Variants in BMPER observed in about 807,000 individuals in gnomAD.
BMPER encodes BMP binding endothelial regulator.
Under a neutral mutation model 87.3 loss-of-function variants are expected in BMPER, and 45 were observed. That is an observed-to-expected ratio of 0.52 (90% CI 0.41 to 0.66). BMPER has a LOEUF of 0.66. BMPER is among the 30% of genes least tolerant of loss of function. The pLI is 0.00. For missense variants in BMPER, 784 were observed against 867.5 expected (o/e 0.90, Z 1.21); for synonymous variants, 326 against 316.2 (o/e 1.03, Z -0.33).
chr7:33,923,758 C>T (rs1168037838), intron 2 of BMPER, among the ~76,000 whole-genome samples: 4 of 152,156 alleles, frequency 2.6e-5, no homozygotes, highest in Non-Finnish European at 4.4e-5. Flanking sequence ...TCACATATGG[C>T]GCTCTCTCAG....
chr7:33,955,957 T>G (rs191027051), intron 3 of BMPER, among the ~76,000 whole-genome samples: 4 of 152,118 alleles, frequency 2.6e-5, no homozygotes, highest in African/African-American at 9.6e-5. Context: ...AACAATGTGA[T>G]GGAAGAAGGC....
chr7:34,035,023 T>C (rs1787626400), intron 6 of BMPER, among the ~76,000 whole-genome samples: 1 of 152,184 alleles, frequency 6.6e-6, no homozygotes, highest in Non-Finnish European at 1.5e-5. Context: ...TGTTTTTCTT[T>C]GATCATATAT....
At chr7:34,007,696 A>G (rs544053293) in intron 6 of BMPER, among the ~76,000 whole-genome samples, 20 of 152,022 alleles carry the variant, frequency 1.3e-4, no homozygotes, top group Non-Finnish European at 2.6e-4. Context: ...TCATAGGTAT[A>G]GGGGTAATTT....
intron 4 of BMPER, among the ~76,000 whole-genome samples, chr7:33,969,731 A>T (rs1226105880): frequency 1.3e-5 from 2 of 152,188 alleles, no homozygotes; most frequent in African/African-American, 2.4e-5. Flanking sequence ...TAAAGTCCCT[A>T]TTTTGACATA....
chr7:34,097,979 G>A (rs958548595), intron 13 of BMPER, among the ~76,000 whole-genome samples: 59 of 152,052 alleles, frequency 3.9e-4, no homozygotes, highest in African/African-American at 1.3e-3. Context: ...GCCTGTAGTA[G>A]TTTAAAGTAT....
chr7:34,115,289 A>G (rs1030190169), intron 13 of BMPER, among the ~76,000 whole-genome samples: 7 of 152,356 alleles, frequency 4.6e-5, no homozygotes, highest in East Asian at 1.9e-4. Flanking sequence ...TCTTGAGACA[A>G]TAATCATGGC....
At chr7:33,916,063 C>A (rs949866724) in intron 2 of BMPER, among the ~76,000 whole-genome samples, 5 of 152,180 alleles carry the variant, frequency 3.3e-5, no homozygotes, top group African/African-American at 9.7e-5. Context: ...GAATGACTGC[C>A]TTTGCCATAC....
At chr7:34,034,030 A>G (rs1470434660) in intron 6 of BMPER, among the ~76,000 whole-genome samples, 1 of 152,144 alleles carries the variant, frequency 6.6e-6, no homozygotes, top group African/African-American at 2.4e-5. Context: ...CTTTGGAGTT[A>G]AGCATGTTGT....
intron 2 of BMPER, among the ~76,000 whole-genome samples, chr7:33,908,023 G>A (rs571793056): frequency 2.0e-5 from 3 of 152,312 alleles, no homozygotes; most frequent in South Asian, 2.1e-4. Context: ...AACGCACTGC[G>A]TTTGCTGACA....
intron 2 of BMPER, among the ~76,000 whole-genome samples, chr7:33,923,911 G>C (rs910938793): frequency 6.6e-6 from 1 of 152,142 alleles, no homozygotes; most frequent in African/African-American, 2.4e-5. Flanking sequence ...TTCATACCCT[G>C]AGCAATTTTA....
At position 34,032,415 on chromosome 7, in the gene BMPER, C is replaced by G. The variant is rs1036588112; in HGVS notation, c.577-13891C>G. Among the ~76,000 whole-genome samples, 5 of 152,028 alleles carry G rather than the reference C, an allele frequency of 3.3e-5. No homozygotes were observed. The East Asian group carries it at 9.7e-4, about 29-fold the overall frequency. On this transcript the variant is annotated intron_variant, in intron 6 of 14. Transcript: ENST00000649409. ...TTTCCTCAAAGTTTTGATTCATCAC[C>G]CATTATCTGGAGTATGGTATAAGTT... is the stretch of plus-strand genomic sequence containing the variant.
At chr7:33,923,866 C>T (rs1340056815) in intron 2 of BMPER, among the ~76,000 whole-genome samples, 3 of 152,084 alleles carry the variant, frequency 2.0e-5, no homozygotes, top group Non-Finnish European at 2.9e-5. Flanking sequence ...ATTGGAGGGT[C>T]CCAGGATTCA....
chr7:34,128,942 ATGATTCTATAATTCTC>A (rs1790475254), intron 13 of BMPER, among the ~76,000 whole-genome samples: 1 of 152,160 alleles, frequency 6.6e-6, no homozygotes. Flanking sequence ...TTAAGACTCT[ATGATTCTATAATTCTC>A]TGACTTTTTG....
At chr7:34,105,251 T>A (rs1008272383) in intron 13 of BMPER, among the ~76,000 whole-genome samples, 1 of 152,244 alleles carries the variant, frequency 6.6e-6, no homozygotes, top group African/African-American at 2.4e-5. Flanking sequence ...AGGGCCATCA[T>A]GTTGCATGAA....
intron 6 of BMPER, among the ~76,000 whole-genome samples, chr7:34,033,430 T>C (rs1359080602): frequency 6.6e-6 from 1 of 152,210 alleles, no homozygotes; most frequent in Non-Finnish European, 1.5e-5. Flanking sequence ...GATGAGGCTC[T>C]TTATAAACAA....
intron 6 of BMPER, among the ~76,000 whole-genome samples, chr7:34,044,726 T>A (rs2127957028): frequency 6.6e-6 from 1 of 152,272 alleles, no homozygotes; most frequent in Non-Finnish European, 1.5e-5. Context: ...CTTTTTCTGG[T>A]ATTTTCGCAT....
chr7:34,009,759 C>G (rs1347345805), intron 6 of BMPER, among the ~76,000 whole-genome samples: 1 of 151,886 alleles, frequency 6.6e-6, no homozygotes, highest in South Asian at 2.1e-4. Context: ...CAAGTCTCCT[C>G]TTTTGGCTTG....
chr7:34,129,945 G>A (rs1043464843), intron 13 of BMPER, among the ~76,000 whole-genome samples: 5 of 152,072 alleles, frequency 3.3e-5, no homozygotes, highest in East Asian at 1.9e-4. Context: ...CTATGTTGTC[G>A]TATATGAATA....
intron 2 of BMPER, among the ~76,000 whole-genome samples, chr7:33,929,955 T>C (rs552899954): frequency 3.3e-5 from 5 of 152,348 alleles, no homozygotes; most frequent in Admixed American, 6.5e-5. Context: ...TGGCCCTGAC[T>C]ATGGAAGGGA....
Sources: allele counts gnomAD v4.1 joint callset (sites outside exome capture counted in the v4.1 genomes callset), GRCh38; gene constraint gnomAD v4.1.1; transcripts MANE v1.5; gene names NCBI Gene and HGNC (gene_info 2026-07-23, HGNC 2026-07-21).